Variants in SLC7A14 observed in about 807,000 individuals in gnomAD.
SLC7A14 encodes the protein gamma-aminobutyric acid transporter SLC7A14.
SLC7A14 carries 37 observed loss-of-function variants against 60.2 expected under a neutral mutation model. That is an observed-to-expected ratio of 0.61 (90% CI 0.47 to 0.81). The LOEUF (loss-of-function observed/expected upper bound fraction) is 0.81. Among genes scored for constraint, SLC7A14 ranks in the 30% least tolerant of loss-of-function variants. The probability of loss-of-function intolerance (pLI) is 0.00; values close to 1 mark genes in which losing one functional copy is unlikely to be tolerated. For synonymous variants in SLC7A14, 399 were observed against 395.8 expected (o/e 1.01, Z -0.10); for missense variants, 886 against 982.7 (o/e 0.90, Z 1.32).
intron 2 of SLC7A14, among the ~76,000 whole-genome samples, chr3:170,518,567 T>C (rs2108289811): frequency 6.6e-6 from 1 of 152,316 alleles, no homozygotes; most frequent in East Asian, 1.9e-4. Context: ...AAAGTACATA[T>C]CTGGTCATGT....
intron 7 of SLC7A14, among the ~76,000 whole-genome samples, chr3:170,479,790 T>C (rs1021732285): frequency 6.6e-6 from 1 of 152,216 alleles, no homozygotes; most frequent in African/African-American, 2.4e-5. Flanking sequence ...TTCAATTTTG[T>C]CAGAAAAATT....
rs763386886 is a variant in SLC7A14, at chr3:170,480,320, T to C, written c.1962A>G (p.Thr654=). ...AGCACCAGACCGCAAACCGGATCCA[T>C]GTGATGGTGGAGAGCTTTAGCATGA... ...IYLMLKLSTI[T]WIRFAVWCFV... is the part of the protein sequence containing the mutation. Residue 654 remains threonine, a synonymous_variant, in exon 7 of 8, where the codon ACA becomes ACG. Coordinates refer to ENST00000231706, the MANE Select transcript of SLC7A14 (RefSeq NM_020949.3). 1.9e-6 allele frequency: 3 copies of C among 1,549,796 alleles called. No homozygotes were observed. The highest frequency in any genetic ancestry group is 1.7e-6 in the Non-Finnish European group (2 of 1,148,280).
At chr3:170,554,069 G>A (rs894462148) in intron 1 of SLC7A14, among the ~76,000 whole-genome samples, 6 of 151,942 alleles carry the variant, frequency 3.9e-5, no homozygotes, top group African/African-American at 1.5e-4. Context: ...AGACCTCCTT[G>A]GTGTGACTCT....
chr3:170,539,627 A>G (rs1366608116), intron 1 of SLC7A14, among the ~76,000 whole-genome samples: 4 of 152,206 alleles, frequency 2.6e-5, no homozygotes, highest in Non-Finnish European at 5.9e-5. Context: ...CCTTGAAGGT[A>G]GGAATTTTGT....
Position 170,467,184 on chromosome 3 carries a change from G to A in SLC7A14, c.2187C>T (p.Phe729=). The change falls in exon 8 of 8, where the codon TTC becomes TTT. Residue 729 remains phenylalanine (F), a synonymous_variant. Coordinates refer to ENST00000231706, the MANE Select transcript of SLC7A14 (RefSeq NM_020949.3). ...DWGGPTEDKG[F]YYQQMSDAKA... ...TCGCATCTGACATCTGTTGGTAATA[G>A]AAGCCTTTGTCTTCAGTGGGCCCGC... is the stretch of plus-strand genomic sequence containing the variant. 2.5e-6 allele frequency: 4 copies of A among 1,612,920 alleles called. No individual in the cohort carries two copies. Among genetic ancestry groups the A allele is most frequent in the Non-Finnish European group, 3.4e-6 (4 of 1,179,306 alleles).
intron 4 of SLC7A14, chr3:170,496,652 AGAACAC>A: frequency 7.5e-7 from 1 of 1,324,854 alleles, no homozygotes. Flanking sequence ...TCTGGGATGC[AGAACAC>A]GAGTATCCAT....
chr3:170,518,798 G>C (rs944034683), intron 2 of SLC7A14, among the ~76,000 whole-genome samples: 1 of 152,178 alleles, frequency 6.6e-6, no homozygotes, highest in African/African-American at 2.4e-5. Context: ...AAAATGAGCA[G>C]AGCAGACGGT....
intron 7 of SLC7A14, among the ~76,000 whole-genome samples, chr3:170,467,836 G>C (rs9290393): frequency 0.76 from 115,985 of 152,140 alleles, 44,269 homozygotes; most frequent in East Asian, 0.82. Flanking sequence ...TATTCCCAAC[G>C]TTCTTATAAG....
intron 2 of SLC7A14, among the ~76,000 whole-genome samples, chr3:170,519,964 C>T (rs937764604): frequency 6.6e-6 from 1 of 152,158 alleles, no homozygotes; most frequent in Non-Finnish European, 1.5e-5. Context: ...AATAAAGGGG[C>T]CTCTGTCCCC....
intron 1 of SLC7A14, among the ~76,000 whole-genome samples, chr3:170,545,233 T>C (rs1714141608): frequency 6.6e-6 from 1 of 152,182 alleles, no homozygotes; most frequent in African/African-American, 2.4e-5. Flanking sequence ...GAAGCTAGCA[T>C]TGGAAGAGCC....
At position 170,577,524 on chromosome 3, in the gene SLC7A14, A is replaced by G. The variant is rs373831916; in HGVS notation, c.-153+8387T>C. 1.1e-4 allele frequency among the ~76,000 whole-genome samples: 16 copies of G among 149,942 alleles called. No homozygotes were observed. In the East Asian group the frequency reaches 2.0e-3, roughly 19 times the overall value. On this transcript the variant is annotated intron_variant, in intron 1 of 7. Transcript: ENST00000231706. ...TCCCAGCTACTCGGGAGGCTGAGGCAGGAGAATGGCGTGAACCCGGGAAGC... is the reference window on the plus strand; with the variant it reads ...TCCCAGCTACTCGGGAGGCTGAGGCGGGAGAATGGCGTGAACCCGGGAAGC...
At chr3:170,487,329 T>G (rs544761867) in intron 4 of SLC7A14, among the ~76,000 whole-genome samples, 14 of 151,440 alleles carry the variant, frequency 9.2e-5, no homozygotes, top group African/African-American at 3.4e-4. Flanking sequence ...AGTATTTTCA[T>G]TGTTAGCTCT....
At chr3:170,542,257 C>A (rs1023716068) in intron 1 of SLC7A14, among the ~76,000 whole-genome samples, 2 of 152,220 alleles carry the variant, frequency 1.3e-5, no homozygotes, top group Admixed American at 6.5e-5. Context: ...AGTTTCGTGA[C>A]ATTGGTTTCT....
chr3:170,579,829 A>G (rs1577577898), intron 1 of SLC7A14, among the ~76,000 whole-genome samples: 1 of 152,234 alleles, frequency 6.6e-6, no homozygotes, highest in Non-Finnish European at 1.5e-5. Flanking sequence ...ATAAGAGTGG[A>G]AAAGAACACA....
At chr3:170,506,476 A>G (rs545573940) in intron 2 of SLC7A14, among the ~76,000 whole-genome samples, 2 of 152,302 alleles carry the variant, frequency 1.3e-5, no homozygotes, top group Admixed American at 6.5e-5. Context: ...TCGATTTGCA[A>G]TATTCTCTGT....
At chr3:170,554,052 A>G (rs1473101412) in intron 1 of SLC7A14, among the ~76,000 whole-genome samples, 1 of 152,070 alleles carries the variant, frequency 6.6e-6, no homozygotes, top group African/African-American at 2.4e-5. Context: ...TTCTCTCCGT[A>G]TTTTTAAGAC....
At chr3:170,559,036 A>G (rs1714566769) in intron 1 of SLC7A14, among the ~76,000 whole-genome samples, 1 of 152,182 alleles carries the variant, frequency 6.6e-6, no homozygotes, top group African/African-American at 2.4e-5. Context: ...ATCCAACTGC[A>G]TGAAAATCTG....
intron 4 of SLC7A14, among the ~76,000 whole-genome samples, chr3:170,494,875 A>T (rs554927216): frequency 3.3e-4 from 50 of 152,336 alleles, no homozygotes; most frequent in African/African-American, 1.2e-3. Flanking sequence ...AAACTCAGAG[A>T]GAATGAGCGT....
chr3:170,582,186 G>A (rs1715254763), intron 1 of SLC7A14, among the ~76,000 whole-genome samples: 1 of 152,146 alleles, frequency 6.6e-6, no homozygotes, highest in African/African-American at 2.4e-5. Flanking sequence ...GGCATAAGTG[G>A]CTTTTTCTTT....
Sources: gnomAD v4.1 joint callset for allele counts (sites outside exome capture counted in the v4.1 genomes callset) on GRCh38, gnomAD v4.1.1 for gene constraint, MANE v1.5 for transcripts, NCBI Gene and HGNC (gene_info 2026-07-23, HGNC 2026-07-21) for gene names.